Variants in ASIC2 observed in about 807,000 individuals in gnomAD.
The protein encoded by ASIC2 is acid sensing ion channel subunit 2.
In ASIC2, 25 loss-of-function variants were observed where a neutral mutation model predicts 57.3. The observed-to-expected ratio is 0.44, with a 90% CI of 0.32 to 0.61. The LOEUF (loss-of-function observed/expected upper bound fraction) is 0.61. Among genes scored for constraint, ASIC2 ranks in the 20% least tolerant of loss-of-function variants. ASIC2 has a pLI of 0.06. For missense variants in ASIC2, 641 were observed against 738.1 expected, an observed-to-expected ratio of 0.87 and a Z score of 1.52; for synonymous variants, 319 against 307.5, an observed-to-expected ratio of 1.04 and a Z score of -0.39.
intron 1 of ASIC2, among the ~76,000 whole-genome samples, chr17:33,683,075 G>T (rs750988497): frequency 1.3e-5 from 2 of 152,136 alleles, no homozygotes; most frequent in Non-Finnish European, 2.9e-5. Context: ...AGTAGGCCAC[G>T]CTGCCCTATA....
chr17:33,176,022 T>C (rs72819132), intron 1 of ASIC2, among the ~76,000 whole-genome samples: 122 of 152,320 alleles, frequency 8.0e-4, no homozygotes, highest in Non-Finnish European at 1.4e-3. Flanking sequence ...CCCACAAAGA[T>C]GCCATATTCT....
At chr17:33,198,601 C>T (rs1239026954) in intron 1 of ASIC2, among the ~76,000 whole-genome samples, 1 of 152,232 alleles carries the variant, frequency 6.6e-6, no homozygotes, top group Non-Finnish European at 1.5e-5. Context: ...CACTGCCTGG[C>T]ATACTGTTAC....
intron 1 of ASIC2, among the ~76,000 whole-genome samples, chr17:33,222,717 A>T (rs1413736876): frequency 6.6e-6 from 1 of 152,220 alleles, no homozygotes; most frequent in Admixed American, 6.5e-5. Flanking sequence ...TGTTTGTAGC[A>T]TGGGGATTTG....
At chr17:33,733,961 T>C (rs764622734) in intron 1 of ASIC2, among the ~76,000 whole-genome samples, 4 of 152,152 alleles carry the variant, frequency 2.6e-5, no homozygotes, top group African/African-American at 4.8e-5. Flanking sequence ...TGAACAACAC[T>C]GGTATTTCCC....
chr17:33,095,654 T>C (rs898436638), intron 2 of ASIC2, among the ~76,000 whole-genome samples: 1 of 152,220 alleles, frequency 6.6e-6, no homozygotes, highest in African/African-American at 2.4e-5. Context: ...TCAGAACCCC[T>C]GCTGCAGCCC....
intron 1 of ASIC2, among the ~76,000 whole-genome samples, chr17:33,549,809 T>A (rs1247719365): frequency 1.3e-5 from 2 of 152,208 alleles, no homozygotes; most frequent in Non-Finnish European, 2.9e-5. Flanking sequence ...TGCTTCTGCC[T>A]GCCTCACTCC....
chr17:33,731,688 A>G (rs1482739461), intron 1 of ASIC2, among the ~76,000 whole-genome samples: 1 of 152,216 alleles, frequency 6.6e-6, no homozygotes, highest in Non-Finnish European at 1.5e-5. Flanking sequence ...AGGTCTTCAG[A>G]TATTCCTAGC....
intron 1 of ASIC2, among the ~76,000 whole-genome samples, chr17:33,739,112 G>T (rs1910016491): frequency 6.6e-6 from 1 of 152,210 alleles, no homozygotes; most frequent in South Asian, 2.1e-4. Context: ...CTTCTAAGAT[G>T]CAATGCTCTA....
At position 34,149,291 on chromosome 17, in the gene ASIC2, G is replaced by A. The variant is rs369546378; in HGVS notation, c.555+6687C>T. Among the ~76,000 whole-genome samples, 8 of 151,996 alleles carry A rather than the reference G, an allele frequency of 5.3e-5. No homozygotes were observed. The South Asian group carries it at 1.2e-3, about 24-fold the overall frequency. ...CTGGCTCATTTTTGTATTTCTTGTA[G>A]AGACTGGGTTTTACTATATTGCCCA... On this transcript the variant is annotated intron_variant, in intron 1 of 9. Transcript: ENST00000359872.
At chr17:33,895,726 C>T (rs1915079528) in intron 1 of ASIC2, among the ~76,000 whole-genome samples, 1 of 152,182 alleles carries the variant, frequency 6.6e-6, no homozygotes, top group Non-Finnish European at 1.5e-5. Flanking sequence ...AGGGAATCTT[C>T]TCTGATTATC....
intron 1 of ASIC2, among the ~76,000 whole-genome samples, chr17:33,177,546 T>C (rs1905808979): frequency 6.6e-6 from 1 of 152,060 alleles, no homozygotes; most frequent in African/African-American, 2.4e-5. Flanking sequence ...CCAGCTTCAT[T>C]CAGGAAGAGG....
chr17:33,578,655 C>G (rs1007677005), intron 1 of ASIC2, among the ~76,000 whole-genome samples: 1 of 152,108 alleles, frequency 6.6e-6, no homozygotes, highest in African/African-American at 2.4e-5. Flanking sequence ...TCCATCTCTC[C>G]CCTTATTTAC....
At chr17:33,276,768 C>A (rs1904721640) in intron 1 of ASIC2, among the ~76,000 whole-genome samples, 1 of 152,198 alleles carries the variant, frequency 6.6e-6, no homozygotes, top group Non-Finnish European at 1.5e-5. Context: ...ATCTAAGCAG[C>A]AGCAGCCTGA....
At chr17:34,045,749 G>A (rs928982948) in intron 1 of ASIC2, among the ~76,000 whole-genome samples, 7 of 152,180 alleles carry the variant, frequency 4.6e-5, no homozygotes, top group Non-Finnish European at 1.0e-4. Context: ...GGTCCTGCAG[G>A]AGAGAAGGGC....
intron 2 of ASIC2, among the ~76,000 whole-genome samples, chr17:33,103,629 T>G: frequency 6.6e-6 from 1 of 152,150 alleles, no homozygotes. Context: ...CTAGGCCTTT[T>G]AAGGCTTCCT....
chr17:33,176,122 A>G (rs1905746864), intron 1 of ASIC2, among the ~76,000 whole-genome samples: 1 of 152,078 alleles, frequency 6.6e-6, no homozygotes, highest in South Asian at 2.1e-4. Context: ...CATCCTTCAG[A>G]GCCCCACTCC....
At chr17:33,679,785 C>T (rs187747709) in intron 1 of ASIC2, among the ~76,000 whole-genome samples, 316 of 152,012 alleles carry the variant, frequency 2.1e-3, no homozygotes, top group African/African-American at 7.2e-3. Context: ...GCAAAGGCCT[C>T]GAGGCGGGGC....
Position 33,497,388 on chromosome 17 carries a change from A to G in ASIC2, c.556-385321T>C, listed in dbSNP as rs188642445. 2.7e-4 allele frequency among the ~76,000 whole-genome samples: 41 copies of G among 152,312 alleles called. 1 individual carries two copies. Among genetic ancestry groups the G allele is most frequent in the Admixed American group, 2.5e-3 (39 of 15,304 alleles). Reference sequence around the variant, plus strand: ...TTCCATGTAGGGTTCACCTTGGGGTATATAAATAGCAGGGAATTTTCTTGA... The same window carrying G: ...TTCCATGTAGGGTTCACCTTGGGGTGTATAAATAGCAGGGAATTTTCTTGA... On this transcript the variant is annotated intron_variant, in intron 1 of 9. Transcript: ENST00000359872.
chr17:33,255,681 G>A (rs1470904791), intron 1 of ASIC2, among the ~76,000 whole-genome samples: 1 of 152,092 alleles, frequency 6.6e-6, no homozygotes, highest in Admixed American at 6.5e-5. Context: ...TTGTAAGCAT[G>A]TGCCACTATG....
Sources: gnomAD v4.1 joint callset for allele counts (sites outside exome capture counted in the v4.1 genomes callset) on GRCh38, gnomAD v4.1.1 for gene constraint, MANE v1.5 for transcripts, NCBI Gene and HGNC (gene_info 2026-07-23, HGNC 2026-07-21) for gene names.